Variants in ANO2 observed in about 807,000 individuals in gnomAD.
ANO2 encodes the protein anoctamin-2.
Under a neutral mutation model 124.2 loss-of-function variants are expected in ANO2, and 101 were observed. That is an observed-to-expected ratio of 0.81 (90% CI 0.69 to 0.96). ANO2 has a LOEUF of 0.96. Ranked by LOEUF, ANO2 falls within the 40% of genes least tolerant of loss-of-function variation. The pLI is 0.00. For synonymous variants in ANO2, 486 were observed against 482.5 expected, an observed-to-expected ratio of 1.01 and a Z score of -0.09; for missense variants, 1,293 against 1,274.5, an observed-to-expected ratio of 1.01 and a Z score of -0.22.
At chr12:5,737,354 T>C (rs1486600140) in intron 13 of ANO2, among the ~76,000 whole-genome samples, 1 of 152,196 alleles carries the variant, frequency 6.6e-6, no homozygotes, top group Non-Finnish European at 1.5e-5. Context: ...TTACCATGGC[T>C]CATTGGGTTA....
In ANO2 at chr12:5,806,691, G is replaced by A. The variant is rs574268816; in HGVS notation, c.949-598C>T. ...CATTGCATTGTATCATGGTATGTTC[G>A]TAACATTATCTCCAGTCAAGGAGAG... On this transcript the variant is annotated intron_variant, in intron 8 of 24. Transcript: ENST00000682330. 3.3e-5 allele frequency among the ~76,000 whole-genome samples: 5 copies of A among 152,320 alleles called. No individual in the cohort carries two copies. In the East Asian group the frequency reaches 5.8e-4, roughly 18 times the overall value.
chr12:5,705,995 C>G (rs181607558), intron 14 of ANO2, among the ~76,000 whole-genome samples: 98 of 152,298 alleles, frequency 6.4e-4, no homozygotes, highest in African/African-American at 2.3e-3. Flanking sequence ...CAAGCTCTTT[C>G]TAGGTTGACA....
intron 4 of ANO2, among the ~76,000 whole-genome samples, chr12:5,852,473 G>A (rs940535968): frequency 2.6e-5 from 4 of 152,144 alleles, no homozygotes; most frequent in Non-Finnish European, 5.9e-5. Context: ...CACCTGCCGT[G>A]GAGTTATTGT....
At chr12:5,901,800 A>G (rs1940230751) in intron 3 of ANO2, among the ~76,000 whole-genome samples, 1 of 152,214 alleles carries the variant, frequency 6.6e-6, no homozygotes, top group Admixed American at 6.5e-5. Context: ...CCTCCTCCTC[A>G]GGCCCACAAG....
chr12:5,698,164 A>G (rs1949264865), intron 14 of ANO2, among the ~76,000 whole-genome samples: 1 of 151,962 alleles, frequency 6.6e-6, no homozygotes, highest in Non-Finnish European at 1.5e-5. Context: ...TGGGTCCCGG[A>G]CTCCCGAGTA....
intron 19 of ANO2, among the ~76,000 whole-genome samples, chr12:5,607,188 C>G (rs145868082): frequency 1.2e-3 from 184 of 152,176 alleles, no homozygotes; most frequent in African/African-American, 4.0e-3. Context: ...GAGCCAGGAA[C>G]AGAAGAGAAA....
At chr12:5,656,190 C>T (rs770752910) in intron 14 of ANO2, among the ~76,000 whole-genome samples, 16 of 152,176 alleles carry the variant, frequency 1.1e-4, no homozygotes, top group Admixed American at 2.0e-4. Flanking sequence ...ATACTCTTTT[C>T]CTAGCTAAAA....
chr12:5,575,792 G>T, intron 23 of ANO2, 42 bp downstream of exon 23: 1 of 1,589,738 alleles, frequency 6.3e-7, no homozygotes, highest in Non-Finnish European at 8.6e-7. Context: ...TGGATCTATT[G>T]CTTCTGGTCC....
chr12:5,824,155 C>T (rs1226729198), intron 7 of ANO2, among the ~76,000 whole-genome samples: 1 of 152,158 alleles, frequency 6.6e-6, no homozygotes, highest in Non-Finnish European at 1.5e-5. Context: ...GAGACATTTT[C>T]CCCATGGTCT....
At chr12:5,795,923 C>T (rs1340822081) in intron 10 of ANO2, among the ~76,000 whole-genome samples, 2 of 152,140 alleles carry the variant, frequency 1.3e-5, no homozygotes, top group African/African-American at 4.8e-5. Flanking sequence ...TGTGAGGACC[C>T]TCTTCCAGCT....
At chr12:5,756,601 G>A (rs1951587660) in intron 10 of ANO2, among the ~76,000 whole-genome samples, 1 of 152,232 alleles carries the variant, frequency 6.6e-6, no homozygotes, top group African/African-American at 2.4e-5. Context: ...GCTGGGTGGG[G>A]TCCAAGGGTG....
intron 14 of ANO2, among the ~76,000 whole-genome samples, chr12:5,685,022 C>A (rs989129856): frequency 2.6e-5 from 4 of 152,190 alleles, no homozygotes; most frequent in African/African-American, 9.6e-5. Flanking sequence ...AGTTCCTAGG[C>A]ACATAGTAGG....
Position 5,769,948 on chromosome 12 carries a change from G to A in ANO2, c.1056-18978C>T, listed in dbSNP as rs1344138214. On this transcript the variant is annotated intron_variant, in intron 10 of 24. Transcript: ENST00000682330. The surrounding 1 kb of genome is among the most constrained non-coding windows in gnomAD (Gnocchi z 4.0). ...CCTCGGCTGGGCACCTATGGGCAAT[G>A]TACAAAATTCACAAGCCTGTGTGGC... is the stretch of plus-strand genomic sequence containing the variant. Among the ~76,000 whole-genome samples, 2 of 152,198 alleles carry A rather than the reference G, an allele frequency of 1.3e-5. No individual in the cohort carries two copies. Among genetic ancestry groups the A allele is most frequent in the African/African-American group, 4.8e-5 (2 of 41,450 alleles).
intron 15 of ANO2, among the ~76,000 whole-genome samples, chr12:5,641,552 T>C (rs1263673232): frequency 2.6e-5 from 4 of 152,192 alleles, no homozygotes; most frequent in Non-Finnish European, 4.4e-5. Flanking sequence ...TTAATAATTC[T>C]CCCTGGTCTG....
intron 1 of ANO2, among the ~76,000 whole-genome samples, chr12:5,928,355 G>A (rs796472378): frequency 2.0e-4 from 30 of 152,356 alleles, no homozygotes; most frequent in African/African-American, 7.2e-4. Flanking sequence ...CCCTGTGGGA[G>A]ACAGAGCATC....
At chr12:5,701,402 C>A (rs1949401098) in intron 14 of ANO2, among the ~76,000 whole-genome samples, 1 of 152,046 alleles carries the variant, frequency 6.6e-6, no homozygotes, top group South Asian at 2.1e-4. Context: ...CAAATTTACC[C>A]CATTTTATCC....
chr12:5,573,141 G>C (rs1000506508), intron 23 of ANO2, among the ~76,000 whole-genome samples: 81 of 152,146 alleles, frequency 5.3e-4, no homozygotes, highest in African/African-American at 1.8e-3. Context: ...ACTGGGAGGT[G>C]GGCAGAGACT....
chr12:5,919,459 G>A (rs1941571668), intron 3 of ANO2, among the ~76,000 whole-genome samples: 1 of 148,792 alleles, frequency 6.7e-6, no homozygotes, highest in South Asian at 2.2e-4. Context: ...AAGACCTGAG[G>A]TCAAGGTGCC....
chr12:5,884,625 G>C (rs1206817560), intron 3 of ANO2, among the ~76,000 whole-genome samples: 1 of 152,240 alleles, frequency 6.6e-6, no homozygotes, highest in Non-Finnish European at 1.5e-5. Flanking sequence ...AAAGGTGCCA[G>C]CCTGCCTTGG....
Sources: allele counts gnomAD v4.1 joint callset (sites outside exome capture counted in the v4.1 genomes callset), GRCh38; gene constraint gnomAD v4.1.1; non-coding constraint Gnocchi (gnomAD v3.1); transcripts MANE v1.5; gene names NCBI Gene and HGNC (gene_info 2026-07-23, HGNC 2026-07-21).